The following SLC9A1 variants were observed in gnomAD, a reference collection of about 807,000 sequenced individuals.
SLC9A1 encodes sodium/hydrogen exchanger 1.
A neutral mutation model predicts 67.9 loss-of-function variants in SLC9A1; 22 were observed. The observed-to-expected ratio is 0.32, with a 90% CI of 0.23 to 0.46. The LOEUF is 0.46. Ranked by LOEUF, SLC9A1 falls within the 20% of genes least tolerant of loss-of-function variation. The pLI is 1.00. For missense variants in SLC9A1, 686 were observed against 1,094.8 expected (o/e 0.63, Z 5.27); for synonymous variants, 421 against 471.8 (o/e 0.89, Z 1.40).
At position 27,154,962 on chromosome 1, in the gene SLC9A1, G is replaced by A. The variant is rs2083556661; in HGVS notation, c.-628C>T. 1.3e-5 allele frequency: 2 copies of A among 152,328 alleles called. No individual in the cohort carries two copies. The highest frequency in any genetic ancestry group is 4.8e-5 in the African/African-American group (2 of 41,442). The allele number at this position is 152,328 out of a possible 1,614,324, so 9.4% of individuals were successfully genotyped here. A position where few individuals can be genotyped will look rare whatever the true frequency, so the allele number is the denominator to read the frequency against. On this transcript the variant is annotated 5_prime_UTR_variant, in exon 1 of 12. Coordinates refer to ENST00000263980, the MANE Select transcript of SLC9A1 (RefSeq NM_003047.5). ...AGGCGGAAGGCAGGCGGCCTGGCGG[G>A]AAGGCGCCTCGGCGCGGGCTGGGGG...
chr1:27,103,438 C>T, intron 5 of SLC9A1, 126 bp from the exon 6 acceptor site: 2 of 742,444 alleles, frequency 2.7e-6, no homozygotes, highest in South Asian at 2.9e-5. Flanking sequence ...TCTCCCAGGA[C>T]CCAAGGGTGT....
In SLC9A1 at chr1:27,151,325, C is replaced by T. The variant is rs377285510; in HGVS notation, c.352+2658G>A. On this transcript the variant is annotated intron_variant, in intron 1 of 11. Coordinates refer to ENST00000263980, the MANE Select transcript of SLC9A1 (RefSeq NM_003047.5). ...TTATGTAATAATCACATTAATAGCA[C>T]TATAACTGGATACTATTAGTTCCCA... 2.6e-5 allele frequency among the ~76,000 whole-genome samples: 4 copies of T among 152,270 alleles called. No individual in the cohort carries two copies. The East Asian group carries it at 5.8e-4, about 22-fold the overall frequency.
chr1:27,154,242 A>G lies in SLC9A1; in HGVS notation c.93T>C (p.Val31=). The stretch of plus-strand genomic sequence containing the variant: ...TGAGCTGGAGGCCATGGCTCCTGAG[A>G]ACAGGCAGCAGCCCCACCAAAGCAA... ...VVVALVGLLP[V]LRSHGLQLSP... The change falls in exon 1 of 12, where the codon GTT becomes GTC. Residue 31 remains valine (V), a synonymous_variant. Coordinates refer to ENST00000263980, the MANE Select transcript of SLC9A1 (RefSeq NM_003047.5). 1.9e-6 allele frequency: 3 copies of G among 1,614,018 alleles called. No individual in the cohort carries two copies. Among genetic ancestry groups the G allele is most frequent in the Non-Finnish European group, 2.5e-6 (3 of 1,179,946 alleles).
chr1:27,113,746 G>T, intron 2 of SLC9A1, 80 bp downstream of exon 2: 1 of 1,025,362 alleles, frequency 9.8e-7, no homozygotes, highest in Non-Finnish European at 1.5e-6. Context: ...TGTTATTAGC[G>T]GGTGGATGAG....
intron 1 of SLC9A1, among the ~76,000 whole-genome samples, chr1:27,140,324 T>C (rs1362503750): frequency 6.6e-6 from 1 of 152,206 alleles, no homozygotes; most frequent in African/African-American, 2.4e-5. Context: ...CGAATCCATT[T>C]GCTGAACATG....
chr1:27,125,237 CTTTT>C (rs71010327), intron 1 of SLC9A1, among the ~76,000 whole-genome samples: 14 of 86,884 alleles, frequency 1.6e-4, no homozygotes, highest in African/African-American at 6.7e-4. Context: ...CCTTTTCTTT[CTTTT>C]TTTTTTTTTT....
At chr1:27,138,196 T>G (rs1364267704) in intron 1 of SLC9A1, among the ~76,000 whole-genome samples, 1 of 152,100 alleles carries the variant, frequency 6.6e-6, no homozygotes, top group Non-Finnish European at 1.5e-5. Flanking sequence ...TGCCCTCTTC[T>G]CCATTCTCAC....
intron 1 of SLC9A1, among the ~76,000 whole-genome samples, chr1:27,136,125 C>T (rs568603875): frequency 1.3e-5 from 2 of 152,330 alleles, no homozygotes; most frequent in Non-Finnish European, 2.9e-5. Flanking sequence ...GAGGCAGTCT[C>T]GCTCCTGGCT....
chr1:27,127,837 A>C (rs750249350), intron 1 of SLC9A1, among the ~76,000 whole-genome samples: 1 of 152,100 alleles, frequency 6.6e-6, no homozygotes, highest in Non-Finnish European at 1.5e-5. Context: ...AAGACCAGAA[A>C]ACTACAATTC....
chr1:27,120,875 T>G (rs559719291), intron 1 of SLC9A1, among the ~76,000 whole-genome samples: 6 of 152,126 alleles, frequency 3.9e-5, no homozygotes, highest in Admixed American at 2.6e-4. Context: ...ATTTGACAGA[T>G]GAAGAAATCC....
chr1:27,128,751 AG>A (rs1189007482), intron 1 of SLC9A1, among the ~76,000 whole-genome samples: 1 of 151,928 alleles, frequency 6.6e-6, no homozygotes, highest in Non-Finnish European at 1.5e-5. Context: ...TGAGGTCAGG[AG>A]TTTGAGACCA....
At chr1:27,132,268 G>C (rs951523462) in intron 1 of SLC9A1, among the ~76,000 whole-genome samples, 1 of 152,092 alleles carries the variant, frequency 6.6e-6, no homozygotes, top group Non-Finnish European at 1.5e-5. Flanking sequence ...CAGGCTGGGG[G>C]CCTCAGTATA....
chr1:27,104,066 GCCT>G (rs1326258274), intron 5 of SLC9A1: 2 of 150,180 alleles, frequency 1.3e-5, no homozygotes, highest in Non-Finnish European at 3.0e-5. Context: ...AAAAGTGGCA[GCCT>G]CCTCCTCTTT....
rs761279472 is a variant in SLC9A1, at chr1:27,103,204, C to T, written c.1575+19G>A. On this transcript the variant is annotated intron_variant, in intron 6 of 11. Transcript: ENST00000263980. ...TGTTCCTCCTTCTGCAACCAAGGGC[C>T]CAGCCCGCACTCCAGTACCTGTGTG... 6.3e-7 allele frequency: 1 copy of T among 1,588,188 alleles called. No homozygotes were observed. Among genetic ancestry groups the T allele is most frequent in the Non-Finnish European group, 8.6e-7 (1 of 1,156,460 alleles).
intron 1 of SLC9A1, among the ~76,000 whole-genome samples, chr1:27,130,182 C>A (rs2083375178): frequency 6.6e-6 from 1 of 152,224 alleles, no homozygotes; most frequent in South Asian, 2.1e-4. Flanking sequence ...CTCACTGCAA[C>A]CTCCGCCTCC....
At chr1:27,123,102 C>A (rs1012035342) in intron 1 of SLC9A1, among the ~76,000 whole-genome samples, 36 of 152,152 alleles carry the variant, frequency 2.4e-4, no homozygotes, top group South Asian at 2.1e-4. Context: ...TGGTAGGTGA[C>A]CATATGATAC....
In SLC9A1 at chr1:27,154,102, A is replaced by G. The variant is rs1413920622; in HGVS notation, c.233T>C (p.Val78Ala). ...TPESRPVNHS[V>A]TDHGMKPRKA... is the part of the protein sequence containing the mutation. The stretch of plus-strand genomic sequence containing the variant: ...GCGCGGCTTCATGCCATGATCAGTG[A>G]CGGAATGATTAACAGGGCGGCTCTC... Residue 78 changes from valine to alanine, a missense_variant, in exon 1 of 12, where the codon GTC becomes GCC. Physicochemically the swap from Val to Ala is moderately conservative, Grantham distance 64 (BLOSUM62 0). Transcript: ENST00000263980. 1 of 1,614,062 alleles carries G rather than the reference A, an allele frequency of 6.2e-7. No homozygotes were observed. Among genetic ancestry groups the G allele is most frequent in the Admixed American group, 1.7e-5 (1 of 60,012 alleles).
In SLC9A1 at chr1:27,099,363, ATG is replaced by A. The variant is rs978289864; in HGVS notation, c.*942_*943del. The A allele has an allele frequency of 3.3e-4, 51 of 152,948 alleles. No individual in the cohort carries two copies. Among genetic ancestry groups the A allele is most frequent in the African/African-American group, 1.1e-3 (47 of 41,572 alleles). 9.5% of individuals were successfully genotyped at this position (152,948 alleles called of 1,614,324 possible). ...TGATTAGGAGTGGGAGTTACTTCTGATGTCACAGTCTTCGAGCAACAGTTAAG... is the reference window on the plus strand; with the variant it reads ...TGATTAGGAGTGGGAGTTACTTCTGATCACAGTCTTCGAGCAACAGTTAAG... On this transcript the variant is annotated 3_prime_UTR_variant, in exon 12 of 12. Transcript: ENST00000263980.
At position 27,105,910 on chromosome 1, in the gene SLC9A1, ACAGTGATGATGG is replaced by A; in HGVS notation, c.1448_1459del (p.Ala483_Thr486del). The stretch of plus-strand genomic sequence containing the variant: ...CTGCACAAAGACGGTGAAGAAGATG[ACAGTGATGATGG>A]CAGTGAGGAACAGGTCACACATGGG... On this transcript the variant is annotated inframe_deletion, in exon 5 of 12. Transcript: ENST00000263980. The A allele has an allele frequency of 6.2e-7, 1 of 1,613,512 alleles. No homozygotes were observed. Among genetic ancestry groups the A allele is most frequent in the Non-Finnish European group, 8.5e-7 (1 of 1,180,004 alleles).
Sources: allele counts gnomAD v4.1 joint callset (sites outside exome capture counted in the v4.1 genomes callset), GRCh38; gene constraint gnomAD v4.1.1; transcripts MANE v1.5; gene names NCBI Gene and HGNC (gene_info 2026-07-23, HGNC 2026-07-21).